Variants in CRYBA4 observed in about 807,000 individuals in gnomAD.
The protein encoded by CRYBA4 is beta-crystallin A4.
CRYBA4 carries 30 observed loss-of-function variants against 31.7 expected under a neutral mutation model. That is an observed-to-expected ratio of 0.95 (90% confidence interval 0.71 to 1.28). CRYBA4 has a LOEUF of 1.28. Among genes scored for constraint, CRYBA4 ranks in the 50% most tolerant of loss-of-function variants. The pLI, the probability that CRYBA4 is intolerant of heterozygous loss-of-function variation, is 0.00. For missense variants in CRYBA4, 225 were observed against 260.7 expected, an observed-to-expected ratio of 0.86 and a Z score of 0.94; for synonymous variants, 102 against 102.3, an observed-to-expected ratio of 1.00 and a Z score of 0.02.
the CRYBA4 span, among the ~76,000 whole-genome samples, chr22:26,595,406 C>T: frequency 3.3e-5 from 5 of 151,928 alleles, no homozygotes; most frequent in African/African-American, 9.7e-5. Flanking sequence ...GAAAAACCCC[C>T]GTCTCTACTA....
chr22:26,595,844 C>T, the CRYBA4 span, among the ~76,000 whole-genome samples: 1 of 152,090 alleles, frequency 6.6e-6, no homozygotes, highest in Admixed American at 6.5e-5. Context: ...ACATTCATAG[C>T]TTACTGCTGC....
At chr22:26,623,190 G>C (rs74847916) in intron 2 of CRYBA4, 44 bp from the exon 3 acceptor site, 1 of 1,527,514 alleles carries the variant, frequency 6.5e-7, no homozygotes, top group African/African-American at 1.4e-5. Context: ...CACCCTTCAC[G>C]GGACTCTGAT....
chr22:26,626,805 T>A (rs1278983650), intron 4 of CRYBA4, among the ~76,000 whole-genome samples: 1 of 152,218 alleles, frequency 6.6e-6, no homozygotes, highest in African/African-American at 2.4e-5. Context: ...TCTCTATGTA[T>A]ATACACATCC....
At chr22:26,627,488 T>TTTTCTTTCTTTC (rs201917169) in intron 4 of CRYBA4, among the ~76,000 whole-genome samples, 1,604 of 81,590 alleles carry the variant, frequency 0.02, 54 homozygotes, top group Middle Eastern at 0.027. Context: ...CTTTCTTTCC[T>TTTTCTTTCTTTC]TTTCTTTCTT....
chr22:26,616,073 A>G, the CRYBA4 span: 1 of 1,243,382 alleles, frequency 8.0e-7, no homozygotes, highest in Non-Finnish European at 1.2e-6. Flanking sequence ...GAGGAGGAGA[A>G]GAAGGAGGAG....
upstream of CRYBA4, among the ~76,000 whole-genome samples, chr22:26,620,328 T>G (rs1026817239): frequency 6.6e-6 from 1 of 152,192 alleles, no homozygotes; most frequent in Non-Finnish European, 1.5e-5. Context: ...GCTGTTCATG[T>G]GCTATTCACA....
At position 26,630,189 on chromosome 22, in the gene CRYBA4, G is replaced by A; in HGVS notation, c.444-151G>A. 4.2e-6 allele frequency: 4 copies of A among 956,752 alleles called. No individual in the cohort carries two copies. The South Asian group carries it at 4.2e-5, about 10-fold the overall frequency. The allele number at this position is 956,752 out of a possible 1,614,324, so 59.3% of individuals were successfully genotyped here. On this transcript the variant is annotated intron_variant, in intron 5 of 5. Coordinates refer to ENST00000354760, the MANE Select transcript of CRYBA4 (RefSeq NM_001886.3). Reference sequence around the variant, plus strand: ...AGGGAATGGCATGATCAAAGGCCCTGTGGTAGGGGAGAGAGCATGGCACAT... The same window carrying A: ...AGGGAATGGCATGATCAAAGGCCCTATGGTAGGGGAGAGAGCATGGCACAT...
upstream of CRYBA4, among the ~76,000 whole-genome samples, chr22:26,617,539 G>T (rs1390074868): frequency 1.3e-5 from 2 of 152,070 alleles, no homozygotes; most frequent in African/African-American, 4.8e-5. Flanking sequence ...CCCAGGGCTG[G>T]CAGCTGGACT....
chr22:26,598,852 G>C, the CRYBA4 span, among the ~76,000 whole-genome samples: 7 of 152,248 alleles, frequency 4.6e-5, no homozygotes, highest in African/African-American at 1.4e-4. Flanking sequence ...TCCTGAGGGG[G>C]GATGCTCAAC....
the CRYBA4 span, among the ~76,000 whole-genome samples, chr22:26,605,605 T>C: frequency 7.5e-6 from 1 of 134,096 alleles, no homozygotes; most frequent in South Asian, 2.3e-4. Context: ...CCCAGGGAGG[T>C]GAAGGTTGCA....
At chr22:26,617,883 C>G (rs1291871901), upstream of CRYBA4, 1 of 153,460 alleles carries the variant, frequency 6.5e-6, no homozygotes, top group Non-Finnish European at 1.5e-5. Context: ...CTCTCTGACT[C>G]TCATGGCACT....
chr22:26,622,471 C>G, intron 1 of CRYBA4, 114 bp from the exon 2 acceptor site: 1 of 866,452 alleles, frequency 1.2e-6, no homozygotes, highest in Non-Finnish European at 2.0e-6. Flanking sequence ...TGCCCCTAGC[C>G]CAGTCACTCC....
At chr22:26,612,597 C>T in the CRYBA4 span, among the ~76,000 whole-genome samples, 1 of 152,198 alleles carries the variant, frequency 6.6e-6, no homozygotes, top group Admixed American at 6.5e-5. Context: ...AAATGATTGG[C>T]CTGCCTTGGC....
At chr22:26,605,091 C>T in the CRYBA4 span, among the ~76,000 whole-genome samples, 2 of 152,178 alleles carry the variant, frequency 1.3e-5, no homozygotes, top group Admixed American at 6.5e-5. Flanking sequence ...ACCATCTGCT[C>T]TTCACGTGGC....
chr22:26,590,225 G>A, the CRYBA4 span: 2 of 141,816 alleles, frequency 1.4e-5, no homozygotes, highest in South Asian at 2.4e-4. Flanking sequence ...CCTCCACTGC[G>A]CCTCGGGACC....
At chr22:26,621,225 C>T (rs1046982430), upstream of CRYBA4, among the ~76,000 whole-genome samples, 4 of 152,206 alleles carry the variant, frequency 2.6e-5, no homozygotes, top group Admixed American at 1.3e-4. Context: ...CTATGCTGCC[C>T]ACAGTGCCAT....
chr22:26,601,868 G>A, the CRYBA4 span: 1 of 1,611,798 alleles, frequency 6.2e-7, no homozygotes, highest in South Asian at 1.1e-5. Flanking sequence ...CCTGGCAGGA[G>A]GGATGCTTAC....
At chr22:26,591,104 G>A in the CRYBA4 span, among the ~76,000 whole-genome samples, 1 of 152,150 alleles carries the variant, frequency 6.6e-6, no homozygotes, top group Non-Finnish European at 1.5e-5. Context: ...CAGGTGCATG[G>A]CTCACACCTG....
chr22:26,609,653 T>C, the CRYBA4 span, among the ~76,000 whole-genome samples: 2 of 152,122 alleles, frequency 1.3e-5, no homozygotes, highest in African/African-American at 4.8e-5. Flanking sequence ...AATAGACGAA[T>C]GGGTAGATGC....
Sources: allele counts gnomAD v4.1 joint callset (sites outside exome capture counted in the v4.1 genomes callset), GRCh38; gene constraint gnomAD v4.1.1; transcripts MANE v1.5; gene names NCBI Gene and HGNC (gene_info 2026-07-23, HGNC 2026-07-21).